The following NIN variants were observed in gnomAD, a reference collection of about 807,000 sequenced individuals.
NIN encodes ninein.
In NIN, 137 loss-of-function variants were observed where a neutral mutation model predicts 257.6. That is an observed-to-expected ratio of 0.53 (90% CI 0.46 to 0.61). NIN has a LOEUF of 0.61. NIN is among the 20% of genes least tolerant of loss of function. The pLI is 0.00. For missense variants in NIN, 2,439 were observed against 2,501.2 expected, an observed-to-expected ratio of 0.98 and a Z score of 0.53; for synonymous variants, 918 against 919.8, an observed-to-expected ratio of 1.00 and a Z score of 0.04.
rs1390025491 is a variant in NIN at position 50,723,123 on chromosome 14, C to G, written c.*340G>C. ...TCAAACTTCAAATATCTAGATTTTA[C>G]ACATAGATTTGTAATAATTAAAAAA... On this transcript the variant is annotated 3_prime_UTR_variant, in exon 31 of 31. Coordinates refer to ENST00000530997, the MANE Select transcript of NIN (RefSeq NM_020921.4). 2 of 239,234 alleles carry G rather than the reference C, an allele frequency of 8.4e-6. No individual in the cohort carries two copies. Among genetic ancestry groups the G allele is most frequent in the Non-Finnish European group, 1.6e-5 (2 of 123,878 alleles). The allele number at this position is 239,234 out of a possible 1,614,324, so 14.8% of individuals were successfully genotyped here.
chr14:50,749,807 A>C (rs954458987), intron 21 of NIN, among the ~76,000 whole-genome samples: 2 of 152,068 alleles, frequency 1.3e-5, no homozygotes, highest in African/African-American at 4.8e-5. Flanking sequence ...CTCCTGCCTC[A>C]GCCTCCTGAA....
intron 26 of NIN, among the ~76,000 whole-genome samples, chr14:50,738,899 T>C (rs1361959108): frequency 6.6e-6 from 1 of 152,150 alleles, no homozygotes; most frequent in Non-Finnish European, 1.5e-5. Context: ...GAAAAGACCT[T>C]AAACCTTGAA....
At chr14:50,727,831 C>T (rs367561678) in intron 29 of NIN, 1 of 1,242,424 alleles carries the variant, frequency 8.0e-7, no homozygotes, top group Non-Finnish European at 1.1e-6. Flanking sequence ...CACACATCTA[C>T]AATGCAAACA....
chr14:50,758,657 T>C (rs757770061), intron 17 of NIN, 27 bp from the exon 18 acceptor site: 90 of 1,521,428 alleles, frequency 5.9e-5, no homozygotes, highest in Non-Finnish European at 7.7e-5. Context: ...TACAGCATTA[T>C]TGAAACTGCC....
chr14:50,799,240 C>T (rs1368559254), intron 4 of NIN, among the ~76,000 whole-genome samples: 1 of 152,126 alleles, frequency 6.6e-6, no homozygotes, highest in African/African-American at 2.4e-5. Context: ...ACTTAGTTTC[C>T]TCATCTGGAA....
At chr14:50,767,544 A>G (rs1362336188) in intron 12 of NIN, among the ~76,000 whole-genome samples, 1 of 152,230 alleles carries the variant, frequency 6.6e-6, no homozygotes, top group Admixed American at 6.5e-5. Flanking sequence ...TAGGCCAGGC[A>G]TAGTGGCTCA....
In NIN at chr14:50,765,041, A is replaced by G. The variant is rs572756436; in HGVS notation, c.1636-1077T>C. Among the ~76,000 whole-genome samples the G allele has an allele frequency of 2.0e-4, 30 of 147,664 alleles. No individual in the cohort carries two copies. In the South Asian group the frequency reaches 4.5e-3, roughly 22 times the overall value. On this transcript the variant is annotated intron_variant, in intron 14 of 30. Transcript: ENST00000530997. ...GGAGTTCAAGACCAGCCTGGCCAAC[A>G]TGGTGAAACCCTGTCTCTACTTAAA...
At chr14:50,789,110 T>C (rs1005046639) in intron 5 of NIN, among the ~76,000 whole-genome samples, 3 of 152,146 alleles carry the variant, frequency 2.0e-5, no homozygotes, top group African/African-American at 4.8e-5. Flanking sequence ...TTACTCCTTA[T>C]GAAATAGTCA....
At chr14:50,815,978 C>T (rs1228687122) in intron 3 of NIN, among the ~76,000 whole-genome samples, 31 of 152,096 alleles carry the variant, frequency 2.0e-4, no homozygotes, top group Admixed American at 2.0e-3. Context: ...TGCACTCCAG[C>T]CTGGGGCGAC....
Position 50,752,613 on chromosome 14 carries a change from A to G in NIN, c.4855T>C (p.Cys1619Arg). ...ELNQRLTEML[C>R]QKEKEPGNSA... ...TTTCCTGGCTCTTTTTCCTTCTGGC[A>G]TAGCATTTCTGTTAGACGTTGATTA... The change falls in exon 21 of 31, where the codon TGC (cysteine) becomes CGC (arginine). Residue 1619 changes from cysteine to arginine, a missense_variant. Physicochemically the swap from Cys to Arg is radical, Grantham distance 180. Coordinates refer to ENST00000530997, the MANE Select transcript of NIN (RefSeq NM_020921.4). 6.2e-7 allele frequency: 1 copy of G among 1,613,982 alleles called. No homozygotes were observed. The highest frequency in any genetic ancestry group is 8.5e-7 in the Non-Finnish European group (1 of 1,179,938).
chr14:50,794,966 A>G (rs1240624478), intron 4 of NIN, among the ~76,000 whole-genome samples: 2 of 152,214 alleles, frequency 1.3e-5, no homozygotes, highest in South Asian at 2.1e-4. Flanking sequence ...GTGAGCCAGC[A>G]GGGACCCTGT....
At chr14:50,754,528 CA>C (rs1482657448) in intron 20 of NIN, 34 bp downstream of exon 20, 25 of 1,550,636 alleles carry the variant, frequency 1.6e-5, no homozygotes, top group Non-Finnish European at 2.2e-5. Context: ...ATTTTGGAAT[CA>C]AAAAACATTG....
intron 3 of NIN, among the ~76,000 whole-genome samples, chr14:50,821,515 T>C (rs1213348828): frequency 3.3e-5 from 5 of 152,246 alleles, no homozygotes; most frequent in African/African-American, 1.2e-4. Flanking sequence ...AATAGCTTTC[T>C]TACTGCATTT....
chr14:50,830,211 C>A (rs568802849), intron 2 of NIN, among the ~76,000 whole-genome samples: 1 of 152,352 alleles, frequency 6.6e-6, no homozygotes, highest in African/African-American at 2.4e-5. Context: ...AGCCTGCTCT[C>A]GGTCAAAGCA....
At chr14:50,771,139 C>T in intron 10 of NIN, 147 bp from the exon 11 acceptor site, 2 of 1,160,996 alleles carry the variant, frequency 1.7e-6, no homozygotes, top group Non-Finnish European at 2.4e-6. Context: ...TCCACCCTTC[C>T]CTTCAAAAGC....
chr14:50,771,831 C>T (rs2042744729), intron 9 of NIN, among the ~76,000 whole-genome samples: 1 of 151,870 alleles, frequency 6.6e-6, no homozygotes, highest in Non-Finnish European at 1.5e-5. Flanking sequence ...ACTAAAAATA[C>T]AAAAATAGCC....
chr14:50,813,759 G>T (rs1595924946), intron 3 of NIN, among the ~76,000 whole-genome samples: 2 of 152,282 alleles, frequency 1.3e-5, no homozygotes, highest in East Asian at 3.9e-4. Flanking sequence ...ACCCAAGGTG[G>T]GAGAACTCAA....
At chr14:50,736,163 C>T (rs572723840) in intron 27 of NIN, among the ~76,000 whole-genome samples, 14 of 150,330 alleles carry the variant, frequency 9.3e-5, no homozygotes, top group African/African-American at 2.9e-4. Flanking sequence ...GACAGAGTCT[C>T]ACTCTGTCAC....
chr14:50,830,224 G>A (rs1020356127), intron 2 of NIN, among the ~76,000 whole-genome samples: 8 of 152,246 alleles, frequency 5.3e-5, no homozygotes, highest in Non-Finnish European at 8.8e-5. Context: ...TCAAAGCACA[G>A]AAGCGGCTTT....
Sources: allele counts gnomAD v4.1 joint callset (sites outside exome capture counted in the v4.1 genomes callset), GRCh38; gene constraint gnomAD v4.1.1; transcripts MANE v1.5; gene names NCBI Gene and HGNC (gene_info 2026-07-23, HGNC 2026-07-21).